SHC2: variants seen among roughly 807,000 people sequenced by gnomAD.
The protein encoded by SHC2 is SHC-transforming protein 2.
SHC2 carries 62 observed loss-of-function variants against 60.6 expected under a neutral mutation model. The ratio of observed to expected loss-of-function variants is 1.02; its 90% CI spans 0.83 to 1.26. SHC2 has a LOEUF of 1.26. SHC2 is among the 50% of genes most tolerant of loss of function. The pLI is 0.00. For synonymous variants in SHC2, 375 were observed against 372.4 expected, an observed-to-expected ratio of 1.01 and a Z score of -0.08; for missense variants, 873 against 822.2, an observed-to-expected ratio of 1.06 and a Z score of -0.76.
At chr19:442,887 GTGGGTGGATGAATGGATGGA>G (rs1176459682) in intron 1 of SHC2, among the ~76,000 whole-genome samples, 52 of 50,868 alleles carry the variant, frequency 1.0e-3, no homozygotes, top group East Asian at 2.4e-3. Context: ...GAGTGGATGG[GTGGGTGGATGAATGGATGGA>G]TGGACGGGTG....
chr19:454,304 A>C (rs1443994217), intron 1 of SHC2, among the ~76,000 whole-genome samples: 1 of 152,166 alleles, frequency 6.6e-6, no homozygotes, highest in African/African-American at 2.4e-5. Flanking sequence ...CCCACGGCAA[A>C]GTCGGCGGGG....
chr19:431,464 G>A (rs1163668839), intron 8 of SHC2, among the ~76,000 whole-genome samples: 3 of 71,780 alleles, frequency 4.2e-5, no homozygotes, highest in East Asian at 4.1e-4. Context: ...GAGTGAGATC[G>A]TGAGTGAGAG....
At chr19:437,295 C>T (rs1158535576) in intron 4 of SHC2, among the ~76,000 whole-genome samples, 3 of 152,074 alleles carry the variant, frequency 2.0e-5, no homozygotes, top group African/African-American at 2.4e-5. Context: ...TGCTCATCTG[C>T]GTGCTCGTCT....
chr19:427,518 ACGGCACAGGGAAGGGGAATTGCG>A (rs1365265076), intron 9 of SHC2, among the ~76,000 whole-genome samples: 3 of 143,522 alleles, frequency 2.1e-5, no homozygotes, highest in Non-Finnish European at 4.6e-5. Context: ...GGAATTGCGC[ACGGCACAGGGAAGGGGAATTGCG>A]CACGGCACAG....
At chr19:458,484 G>A (rs1975435520) in intron 1 of SHC2, among the ~76,000 whole-genome samples, 1 of 142,360 alleles carries the variant, frequency 7.0e-6, no homozygotes, top group Admixed American at 6.9e-5. Context: ...CATGTTCCGG[G>A]GGACGGGGAA....
rs1412165537 is a variant in SHC2 at position 424,085 on chromosome 19, T to G, written c.1309+1012A>C. ...GGAAAGGGAGAAATTTGCAGTTAGC[T>G]TGGGAGGCATCCTGAGCTCAGGCAA... On this transcript the variant is annotated intron_variant, in intron 10 of 12. Transcript: ENST00000264554. This position sits in a 1 kb window ranked among gnomAD's most constrained non-coding sequence, Gnocchi z 4.5. Among the ~76,000 whole-genome samples, 1 of 152,098 alleles carries G rather than the reference T, an allele frequency of 6.6e-6. No individual in the cohort carries two copies. The highest frequency in any genetic ancestry group is 6.5e-5 in the Admixed American group (1 of 15,272).
chr19:458,016 T>G (rs1359299197), intron 1 of SHC2, among the ~76,000 whole-genome samples: 1 of 112,672 alleles, frequency 8.9e-6, no homozygotes, highest in Non-Finnish European at 1.9e-5. Context: ...GAAGAGGGTC[T>G]TGGGGAGGCG....
chr19:447,176 T>C (rs1005019150), intron 1 of SHC2, among the ~76,000 whole-genome samples: 1 of 152,112 alleles, frequency 6.6e-6, no homozygotes, highest in Non-Finnish European at 1.5e-5. Context: ...ATACGGGCCA[T>C]GGCACGGACG....
At chr19:456,630 A>C (rs1340258159) in intron 1 of SHC2, among the ~76,000 whole-genome samples, 1 of 150,950 alleles carries the variant, frequency 6.6e-6, no homozygotes, top group Non-Finnish European at 1.5e-5. Context: ...CATCAGCTCC[A>C]GTCTCATGGC....
chr19:449,986 G>T (rs1228463608), intron 1 of SHC2, among the ~76,000 whole-genome samples: 1 of 152,136 alleles, frequency 6.6e-6, no homozygotes, highest in Non-Finnish European at 1.5e-5. Context: ...TTGACACCCT[G>T]CGCCACGCTG....
At chr19:458,381 A>G (rs1600333933) in intron 1 of SHC2, among the ~76,000 whole-genome samples, 1 of 108,196 alleles carries the variant, frequency 9.2e-6, no homozygotes, top group Non-Finnish European at 1.9e-5. Flanking sequence ...GGTCCCGGGG[A>G]GGCGGAATCG....
At chr19:456,249 G>A (rs1012360676) in intron 1 of SHC2, among the ~76,000 whole-genome samples, 2 of 152,168 alleles carry the variant, frequency 1.3e-5, no homozygotes, top group Non-Finnish European at 2.9e-5. Flanking sequence ...TGACCAGGAG[G>A]GACCGGCTGT....
rs1974281770 is a variant in SHC2 at position 422,005 on chromosome 19, C to T, written c.1620+141G>A. On this transcript the variant is annotated intron_variant, in intron 11 of 12. Coordinates refer to ENST00000264554, the MANE Select transcript of SHC2 (RefSeq NM_012435.3). The surrounding 1 kb of genome is among the most constrained non-coding windows in gnomAD (Gnocchi z 5.0). ...AAAACTTCATAAACATGGAAAGCTC[C>T]TGCATGCCCCGAGACCCTCGAGACC... 4.7e-6 allele frequency: 4 copies of T among 858,060 alleles called. No individual in the cohort carries two copies. The highest frequency in any genetic ancestry group is 6.9e-6 in the Non-Finnish European group (4 of 576,968). The allele number at this position is 858,060 out of a possible 1,614,324, so 53.2% of individuals were successfully genotyped here. A position where few individuals can be genotyped will look rare whatever the true frequency, so the allele number is the denominator to read the frequency against.
At chr19:458,370 G>A (rs1486407786) in intron 1 of SHC2, among the ~76,000 whole-genome samples, 2 of 134,732 alleles carry the variant, frequency 1.5e-5, no homozygotes, top group Non-Finnish European at 3.2e-5. Flanking sequence ...AGGCGGAAGC[G>A]GGTCCCGGGG....
At chr19:449,743 G>A (rs540682638) in intron 1 of SHC2, among the ~76,000 whole-genome samples, 2 of 152,088 alleles carry the variant, frequency 1.3e-5, no homozygotes, top group African/African-American at 2.4e-5. Context: ...CCTGGGCAAC[G>A]AGAGCAAAAC....
At chr19:447,405 T>C (rs977921369) in intron 1 of SHC2, among the ~76,000 whole-genome samples, 1 of 152,370 alleles carries the variant, frequency 6.6e-6, no homozygotes, top group Non-Finnish European at 1.5e-5. Context: ...TGCAGAACCG[T>C]GTGGCTGCAC....
chr19:458,813 C>T lies in SHC2; in HGVS notation c.468+1716G>A, dbSNP rs1480678499. On this transcript the variant is annotated intron_variant, in intron 1 of 12. Coordinates refer to ENST00000264554, the MANE Select transcript of SHC2 (RefSeq NM_012435.3). ...GAAGCGGGTCCTGGGGAGGCGGAAG[C>T]GGGTCTTGGGGAGGCGGAAGAGGGT... Among the ~76,000 whole-genome samples, 101 of 139,274 alleles carry T rather than the reference C, an allele frequency of 7.3e-4. 6 individuals carry two copies. The highest frequency in any genetic ancestry group is 2.3e-4 in the South Asian group (1 of 4,430). The allele number at this position is 139,274 out of a possible 152,430, so 91.4% of individuals were successfully genotyped here.
chr19:417,600 C>G (rs1006105619), intron 12 of SHC2, among the ~76,000 whole-genome samples: 88 of 152,252 alleles, frequency 5.8e-4, no homozygotes, highest in African/African-American at 2.0e-3. Context: ...AAGGGTTGAG[C>G]ACATTCCTGG....
chr19:457,253 A>T lies in SHC2; in HGVS notation c.468+3276T>A, dbSNP rs113789903. On this transcript the variant is annotated intron_variant, in intron 1 of 12. Transcript: ENST00000264554. ...TTGCACCTGCACCTGCTGTGCCCCG[A>T]CTAGAACTCTGTCTGCAAACCCCAC... 2.2e-3 allele frequency among the ~76,000 whole-genome samples: 131 copies of T among 59,210 alleles called. 1 individual carries two copies. Among genetic ancestry groups the T allele is most frequent in the African/African-American group, 9.0e-3 (116 of 12,924 alleles). 38.8% of individuals were successfully genotyped at this position (59,210 alleles called of 152,430 possible).
Sources: allele counts gnomAD v4.1 joint callset (sites outside exome capture counted in the v4.1 genomes callset), GRCh38; gene constraint gnomAD v4.1.1; non-coding constraint Gnocchi (gnomAD v3.1); transcripts MANE v1.5; gene names NCBI Gene and HGNC (gene_info 2026-07-23, HGNC 2026-07-21).